Variants in MEIS2 observed in about 807,000 individuals in gnomAD.
The protein encoded by MEIS2 is Meis homeobox 2.
MEIS2 carries 9 observed loss-of-function variants against 58.6 expected under a neutral mutation model. The observed-to-expected ratio is 0.15, with a 90% CI of 0.09 to 0.27. The LOEUF (loss-of-function observed/expected upper bound fraction) is 0.27. Ranked by LOEUF, MEIS2 falls within the 10% of genes least tolerant of loss-of-function variation. MEIS2 has a pLI of 1.00. For synonymous variants in MEIS2, 221 were observed against 228.4 expected (o/e 0.97, Z 0.29); for missense variants, 427 against 635.0 (o/e 0.67, Z 3.52).
chr15:36,911,345 A>G (rs1488282378), intron 9 of MEIS2, among the ~76,000 whole-genome samples: 1 of 152,036 alleles, frequency 6.6e-6, no homozygotes, highest in African/African-American at 2.4e-5. Flanking sequence ...TATATTTTCA[A>G]TACCTTCTGG....
intron 8 of MEIS2, among the ~76,000 whole-genome samples, chr15:36,960,559 GAA>G (rs2059146616): frequency 6.6e-6 from 1 of 152,008 alleles, no homozygotes; most frequent in Admixed American, 6.6e-5. Context: ...CACCAAGACA[GAA>G]AACTCTAAGG....
chr15:37,045,778 C>T (rs894878205), intron 7 of MEIS2, among the ~76,000 whole-genome samples: 32 of 152,110 alleles, frequency 2.1e-4, no homozygotes, highest in African/African-American at 7.0e-4. Context: ...TAGTTCATGG[C>T]CCGCTAGCAT....
chr15:36,892,369 G>T lies in MEIS2; in HGVS notation c.1238C>A (p.Thr413Asn), dbSNP rs746560276. Reference sequence around the variant, plus strand: ...ATGTCTTAATTGAGTAGGGTGTGGGGTCATCTGGGGAGGAGTGTAACTTGG... The same window carrying T: ...ATGTCTTAATTGAGTAGGGTGTGGGTTCATCTGGGGAGGAGTGTAACTTGG... ...AQPSYTPPQM[T>N]PHPTQLRHGP... The change falls in exon 12 of 12, where the codon ACC (threonine) becomes AAC (asparagine). Residue 413 changes from threonine to asparagine, a missense_variant. Around this residue, in one of 6 missense-constraint regions of MEIS2, gnomAD observed 154 missense variants for 148.1 expected, o/e 1.04. Transcript: ENST00000561208. The T allele has an allele frequency of 2.5e-6, 4 of 1,613,794 alleles. No individual in the cohort carries two copies. The highest frequency in any genetic ancestry group is 3.4e-6 in the Non-Finnish European group (4 of 1,179,948).
At chr15:36,954,747 A>G (rs189505148) in intron 8 of MEIS2, among the ~76,000 whole-genome samples, 26 of 152,282 alleles carry the variant, frequency 1.7e-4, no homozygotes, top group Admixed American at 4.6e-4. Context: ...CTTCTGTGAT[A>G]GTGTAATACA....
chr15:36,985,611 C>G (rs530001768), intron 8 of MEIS2, among the ~76,000 whole-genome samples: 12 of 152,232 alleles, frequency 7.9e-5, no homozygotes, highest in African/African-American at 2.9e-4. Context: ...CTTCTATGTC[C>G]CACTTCCCAC....
At chr15:36,921,841 G>T (rs1379296320) in intron 9 of MEIS2, among the ~76,000 whole-genome samples, 1 of 152,168 alleles carries the variant, frequency 6.6e-6, no homozygotes, top group African/African-American at 2.4e-5. Context: ...AGGAAGAGCA[G>T]CTATAAAGAG....
At position 36,891,053 on chromosome 15, in the gene MEIS2, C is replaced by T. The variant is rs535022374; in HGVS notation, c.*1120G>A. 6.6e-3 allele frequency: 955 copies of T among 145,280 alleles called. 4 individuals carry two copies. The highest frequency in any genetic ancestry group is 0.01 in the Non-Finnish European group (680 of 66,716). 9.0% of individuals were successfully genotyped at this position (145,280 alleles called of 1,614,324 possible). A position where few individuals can be genotyped will look rare whatever the true frequency, so the allele number is the denominator to read the frequency against. On this transcript the variant is annotated 3_prime_UTR_variant, in exon 12 of 12. Transcript: ENST00000561208. ...AAATCAAAAATGAAATATTTATTAC[C>T]GCTTTTTGTGACTTAACACCTTTTT...
At chr15:37,072,320 C>T (rs1217905895) in intron 7 of MEIS2, among the ~76,000 whole-genome samples, 10 of 152,010 alleles carry the variant, frequency 6.6e-5, no homozygotes, top group Non-Finnish European at 8.8e-5. Context: ...ACTGGAAAGT[C>T]CTGGTTGTGT....
chr15:36,956,021 CA>C (rs757524401), intron 8 of MEIS2, among the ~76,000 whole-genome samples: 16,598 of 46,502 alleles, frequency 0.36, 1,596 homozygotes, highest in Middle Eastern at 0.4. Flanking sequence ...ACTAAAAATA[CA>C]AAAAAAAAAA....
chr15:36,920,665 A>G (rs569846114), intron 9 of MEIS2, among the ~76,000 whole-genome samples: 1 of 152,234 alleles, frequency 6.6e-6, no homozygotes, highest in Non-Finnish European at 1.5e-5. Context: ...ACAATCTCTT[A>G]TTTCTCATTT....
chr15:36,975,093 T>C (rs2059695473), intron 8 of MEIS2, among the ~76,000 whole-genome samples: 2 of 152,208 alleles, frequency 1.3e-5, no homozygotes, highest in Admixed American at 6.5e-5. Context: ...ACGTTACTTA[T>C]CACTTTCTGT....
chr15:36,893,711 T>A (rs1444446259), intron 11 of MEIS2, among the ~76,000 whole-genome samples: 6 of 152,252 alleles, frequency 3.9e-5, no homozygotes, highest in Non-Finnish European at 8.8e-5. Context: ...TCTCTATAGC[T>A]GTTTTAGGGA....
intron 8 of MEIS2, among the ~76,000 whole-genome samples, chr15:36,974,466 A>C (rs2059672383): frequency 6.6e-6 from 1 of 152,186 alleles, no homozygotes. Context: ...ATATTCTCCC[A>C]AATTATTTGA....
intron 7 of MEIS2, among the ~76,000 whole-genome samples, chr15:37,082,113 A>G (rs976833279): frequency 6.6e-6 from 1 of 152,188 alleles, no homozygotes; most frequent in Non-Finnish European, 1.5e-5. Context: ...TGACCTGTTA[A>G]TGAATCTACA....
At chr15:37,000,250 G>A (rs1194505447) in intron 8 of MEIS2, among the ~76,000 whole-genome samples, 2 of 152,122 alleles carry the variant, frequency 1.3e-5, no homozygotes, top group African/African-American at 2.4e-5. Flanking sequence ...AGAAACAGAA[G>A]ATTAGGGCTG....
At chr15:37,064,160 A>G (rs1889619521) in intron 7 of MEIS2, among the ~76,000 whole-genome samples, 1 of 152,170 alleles carries the variant, frequency 6.6e-6, no homozygotes, top group African/African-American at 2.4e-5. Context: ...TTAAAACTTA[A>G]GATATCAAAA....
intron 8 of MEIS2, among the ~76,000 whole-genome samples, chr15:36,957,966 A>G (rs1341557862): frequency 4.6e-5 from 7 of 152,224 alleles, no homozygotes; most frequent in Admixed American, 4.6e-4. Flanking sequence ...GTTTGGTGTT[A>G]TGGAAATGCA....
chr15:36,980,119 A>C (rs528782952), intron 8 of MEIS2, among the ~76,000 whole-genome samples: 97 of 152,116 alleles, frequency 6.4e-4, no homozygotes, highest in African/African-American at 2.3e-3. Context: ...ACTTATTTGT[A>C]AGAGTTCTTT....
intron 1 of MEIS2, 33 bp downstream of exon 1, chr15:37,099,422 A>G: frequency 1.2e-6 from 2 of 1,614,132 alleles, no homozygotes; most frequent in Non-Finnish European, 8.5e-7. Context: ...GAGAGGATTT[A>G]TATCTAGGTA....
Sources: allele counts gnomAD v4.1 joint callset (sites outside exome capture counted in the v4.1 genomes callset), GRCh38; gene constraint gnomAD v4.1.1; regional missense constraint gnomAD v4.1.1; transcripts MANE v1.5; gene names NCBI Gene and HGNC (gene_info 2026-07-23, HGNC 2026-07-21).